MDGA2: variants seen among roughly 807,000 people sequenced by gnomAD.
MDGA2 encodes MAM domain containing glycosylphosphatidylinositol anchor 2.
A neutral mutation model predicts 117.8 loss-of-function variants in MDGA2; 40 were observed. The ratio of observed to expected loss-of-function variants is 0.34; its 90% CI spans 0.26 to 0.44. MDGA2 has a LOEUF of 0.44. Among genes scored for constraint, MDGA2 ranks in the 20% least tolerant of loss-of-function variants. The pLI, the probability that MDGA2 is intolerant of heterozygous loss-of-function variation, is 1.00. For missense variants in MDGA2, 1,123 were observed against 1,250.6 expected (o/e 0.90, Z 1.54); for synonymous variants, 452 against 439.0 (o/e 1.03, Z -0.37).
intron 5 of MDGA2, among the ~76,000 whole-genome samples, chr14:47,103,228 T>G (rs1043487342): frequency 1.1e-4 from 17 of 152,228 alleles, no homozygotes; most frequent in South Asian, 1.0e-3. Context: ...GCTTACAGAT[T>G]CAAGGAATAG....
At chr14:47,618,153 A>G (rs1464937875) in intron 1 of MDGA2, among the ~76,000 whole-genome samples, 1 of 152,140 alleles carries the variant, frequency 6.6e-6, no homozygotes, top group African/African-American at 2.4e-5. Context: ...CATAAATACA[A>G]ATAACTGTAC....
chr14:47,108,085 G>A (rs1316554858), intron 5 of MDGA2, among the ~76,000 whole-genome samples: 2 of 150,304 alleles, frequency 1.3e-5, no homozygotes, highest in East Asian at 1.9e-4. Context: ...AAGAAAAGTA[G>A]AATGGACTAA....
At chr14:47,390,172 A>G (rs1325031764) in intron 1 of MDGA2, among the ~76,000 whole-genome samples, 1 of 152,220 alleles carries the variant, frequency 6.6e-6, no homozygotes, top group Non-Finnish European at 1.5e-5. Context: ...CCTGTTGAAA[A>G]TAAGGAAATA....
intron 3 of MDGA2, 124 bp downstream of exon 3, chr14:47,217,897 T>C: frequency 1.4e-6 from 1 of 724,510 alleles, no homozygotes; most frequent in Non-Finnish European, 2.0e-6. Flanking sequence ...GGAGCTATCA[T>C]TATTTTACAC....
At chr14:47,104,163 C>T (rs1880503657) in intron 5 of MDGA2, among the ~76,000 whole-genome samples, 1 of 152,204 alleles carries the variant, frequency 6.6e-6, no homozygotes, top group Non-Finnish European at 1.5e-5. Flanking sequence ...TAAACTAAGA[C>T]TTTGCAAAAT....
chr14:47,469,743 T>C (rs987845709), intron 1 of MDGA2, among the ~76,000 whole-genome samples: 3 of 152,158 alleles, frequency 2.0e-5, no homozygotes, highest in Non-Finnish European at 4.4e-5. Flanking sequence ...ACTTCCACAA[T>C]GGTTGAACTA....
chr14:46,947,151 T>C (rs751687045), intron 9 of MDGA2, among the ~76,000 whole-genome samples: 1 of 152,114 alleles, frequency 6.6e-6, no homozygotes, highest in Non-Finnish European at 1.5e-5. Context: ...ACTTTTAGAA[T>C]AGGAATATTT....
chr14:47,055,769 C>T (rs1889652972), intron 7 of MDGA2, among the ~76,000 whole-genome samples: 1 of 152,032 alleles, frequency 6.6e-6, no homozygotes, highest in African/African-American at 2.4e-5. Flanking sequence ...CACAGCTGTG[C>T]CCATTTATTT....
intron 3 of MDGA2, among the ~76,000 whole-genome samples, chr14:47,170,591 A>G (rs547680074): frequency 1.6e-3 from 244 of 152,320 alleles, no homozygotes; most frequent in African/African-American, 5.6e-3. Flanking sequence ...TGCAAGAATT[A>G]AAAAGCTGAG....
At chr14:47,400,758 C>CTTTTTTTTTTTTTTTTTTTTTT (rs570103742) in intron 1 of MDGA2, among the ~76,000 whole-genome samples, 2 of 66,212 alleles carry the variant, frequency 3.0e-5, no homozygotes, top group African/African-American at 5.4e-5. Flanking sequence ...CTTTTCTTTT[C>CTTTTTTTTTTTTTTTTTTTTTT]TTTTTTTTTT....
intron 7 of MDGA2, chr14:47,059,122 G>A: frequency 1.0e-6 from 1 of 991,044 alleles, no homozygotes; most frequent in Non-Finnish European, 1.3e-6. Context: ...ACAATGGGAG[G>A]GGAGAAAACC....
intron 1 of MDGA2, among the ~76,000 whole-genome samples, chr14:47,559,683 C>T (rs1366113046): frequency 6.6e-6 from 1 of 151,838 alleles, no homozygotes; most frequent in African/African-American, 2.4e-5. Context: ...AGCAATTCTC[C>T]TACCTCAGCC....
At chr14:47,380,641 C>T (rs1419856379) in intron 1 of MDGA2, among the ~76,000 whole-genome samples, 1 of 151,996 alleles carries the variant, frequency 6.6e-6, no homozygotes, top group Non-Finnish European at 1.5e-5. Context: ...GACACATAGA[C>T]TCTCCCAAGA....
At chr14:47,576,088 A>G (rs1001312177) in intron 1 of MDGA2, among the ~76,000 whole-genome samples, 2 of 152,312 alleles carry the variant, frequency 1.3e-5, no homozygotes, top group South Asian at 2.1e-4. Flanking sequence ...CTGAATGTCA[A>G]TCACAGAGAC....
chr14:47,415,987 G>A (rs1392354496), intron 1 of MDGA2, among the ~76,000 whole-genome samples: 1 of 152,062 alleles, frequency 6.6e-6, no homozygotes, highest in Non-Finnish European at 1.5e-5. Context: ...AATTTTGGGG[G>A]TTACACAAAT....
At chr14:47,008,313 C>T (rs912469961) in intron 8 of MDGA2, among the ~76,000 whole-genome samples, 1 of 151,846 alleles carries the variant, frequency 6.6e-6, no homozygotes, top group African/African-American at 2.4e-5. Context: ...TAAAACGATT[C>T]CTAACAGGTA....
chr14:47,018,054 C>A (rs558981185), intron 8 of MDGA2, among the ~76,000 whole-genome samples: 2 of 152,142 alleles, frequency 1.3e-5, no homozygotes, highest in South Asian at 4.1e-4. Context: ...TACTCACACA[C>A]TATAAAGAGA....
chr14:47,364,852 T>C (rs181591870), intron 1 of MDGA2, among the ~76,000 whole-genome samples: 11 of 152,320 alleles, frequency 7.2e-5, no homozygotes, highest in African/African-American at 2.4e-4. Flanking sequence ...GAGTTCATTT[T>C]CCCCCATAAA....
intron 1 of MDGA2, among the ~76,000 whole-genome samples, chr14:47,441,310 C>T (rs954267193): frequency 2.0e-5 from 3 of 152,002 alleles, no homozygotes; most frequent in Non-Finnish European, 4.4e-5. Flanking sequence ...AGCACTGAGC[C>T]GGACAGGGAG....
Sources: gnomAD v4.1 joint callset for allele counts (sites outside exome capture counted in the v4.1 genomes callset) on GRCh38, gnomAD v4.1.1 for gene constraint, MANE v1.5 for transcripts, NCBI Gene and HGNC (gene_info 2026-07-23, HGNC 2026-07-21) for gene names.